The following SLAMF1 variants were observed in gnomAD, a reference collection of about 807,000 sequenced individuals.
The protein encoded by SLAMF1 is signaling lymphocytic activation molecule family member 1.
Under a neutral mutation model 35.1 loss-of-function variants are expected in SLAMF1, and 18 were observed. The ratio of observed to expected loss-of-function variants is 0.51; its 90% CI spans 0.35 to 0.76. The LOEUF is 0.76. Among genes scored for constraint, SLAMF1 ranks in the 30% least tolerant of loss-of-function variants. The probability of loss-of-function intolerance (pLI) is 0.01; values close to 1 mark genes in which losing one functional copy is unlikely to be tolerated. For missense variants in SLAMF1, 392 were observed against 413.0 expected (o/e 0.95, Z 0.44); for synonymous variants, 168 against 157.2 (o/e 1.07, Z -0.51).
rs1419483445 is a variant in SLAMF1, at chr1:160,624,074, CTA to C, written c.790+20_790+21del. 1.3e-6 allele frequency: 2 copies of C among 1,502,228 alleles called. No homozygotes were observed. The highest frequency in any genetic ancestry group is 1.8e-6 in the Non-Finnish European group (2 of 1,089,930). 93.1% of individuals were successfully genotyped at this position (1,502,228 alleles called of 1,614,324 possible). A position where few individuals can be genotyped will look rare whatever the true frequency, so the allele number is the denominator to read the frequency against. On this transcript the variant is annotated intron_variant, in intron 4 of 6. Transcript: ENST00000302035. ...TTACCACAGAGAGTGTGATAAGAAT[CTA>C]TTTATTGCCAGACACCTACCTCTTC...
intron 3 of SLAMF1, among the ~76,000 whole-genome samples, chr1:160,625,039 T>C (rs1397369334): frequency 6.6e-6 from 1 of 152,224 alleles, no homozygotes; most frequent in Non-Finnish European, 1.5e-5. Context: ...GGTACACTCA[T>C]TATTCTCATT....
In SLAMF1 at chr1:160,646,895, C is replaced by T; in HGVS notation, c.51G>A (p.Leu17=). The T allele has an allele frequency of 6.2e-7, 1 of 1,608,300 alleles. No homozygotes were observed. Among genetic ancestry groups the T allele is most frequent in the South Asian group, 1.1e-5 (1 of 90,880 alleles). The change falls in exon 1 of 7, where the codon CTG becomes CTA. Residue 17 remains leucine, a synonymous_variant. Coordinates refer to ENST00000302035, the MANE Select transcript of SLAMF1 (RefSeq NM_003037.5). The stretch of plus-strand genomic sequence containing the variant: ...CTGTTCCGTAGCTTGCCCCAAAAGC[C>T]AGGGAGAGAAACAGCACGAAGGTCA... ...LSLTFVLFLS[L]AFGASYGTGG...
At chr1:160,639,205 C>T (rs1660614543) in intron 1 of SLAMF1, among the ~76,000 whole-genome samples, 1 of 152,098 alleles carries the variant, frequency 6.6e-6, no homozygotes, top group Non-Finnish European at 1.5e-5. Flanking sequence ...TGATTCCTTT[C>T]TTTCTCGCAT....
chr1:160,634,582 G>C, intron 3 of SLAMF1, 31 bp downstream of exon 3: 1 of 1,563,980 alleles, frequency 6.4e-7, no homozygotes, highest in Non-Finnish European at 8.7e-7. Context: ...GCTCATTAAG[G>C]TGGCACACAG....
Position 160,619,843 on chromosome 1 carries a change from GT to G in SLAMF1, c.796del (p.Thr266ArgfsTer65). 6.2e-7 allele frequency: 1 copy of G among 1,608,428 alleles called. No homozygotes were observed. The highest frequency in any genetic ancestry group is 8.5e-7 in the Non-Finnish European group (1 of 1,174,900). On this transcript the variant is annotated frameshift_variant, in exon 5 of 7. Coordinates refer to ENST00000302035, the MANE Select transcript of SLAMF1 (RefSeq NM_003037.5). LOFTEE classifies it high-confidence loss of function. The stretch of plus-strand genomic sequence containing the variant: ...TTCCACTGTTGTCTGGTAATGGTTC[GT>G]TTTACCTGGTGAAAAGAAACCATAA... ...VILQLRRRGK[T>X]NHYQTTVEKK... is the part of the protein sequence containing the mutation.
In SLAMF1 at chr1:160,612,492, A is replaced by G; in HGVS notation, c.953T>C (p.Val318Ala). The change falls in exon 6 of 7, where the codon GTC (valine) becomes GCC (alanine). Residue 318 changes from valine to alanine, a missense_variant. Coordinates refer to ENST00000302035, the MANE Select transcript of SLAMF1 (RefSeq NM_003037.5). ...GTAGGCAGAGAGATGCCTCACCTGGACAGACTCTGGGACAGGCTCTGTGGC... is the reference window on the plus strand; with the variant it reads ...GTAGGCAGAGAGATGCCTCACCTGGGCAGACTCTGGGACAGGCTCTGTGGC... ...VAATEPVPES[V>A]QETNSITVYA... 6.2e-7 allele frequency: 1 copy of G among 1,606,474 alleles called. No individual in the cohort carries two copies. Among genetic ancestry groups the G allele is most frequent in the South Asian group, 1.1e-5 (1 of 90,596 alleles).
At chr1:160,624,615 TGG>T (rs1659785873) in intron 3 of SLAMF1, among the ~76,000 whole-genome samples, 2 of 152,208 alleles carry the variant, frequency 1.3e-5, no homozygotes. Flanking sequence ...CATGAGACAC[TGG>T]GAGGAAGAAA....
chr1:160,617,985 A>G (rs1659398553), intron 5 of SLAMF1, among the ~76,000 whole-genome samples: 1 of 151,810 alleles, frequency 6.6e-6, no homozygotes, highest in Non-Finnish European at 1.5e-5. Flanking sequence ...AGGCAGGAGA[A>G]TCACTTGAAC....
intron 1 of SLAMF1, 89 bp downstream of exon 1, chr1:160,646,781 C>A (rs1466496071): frequency 4.1e-6 from 3 of 739,144 alleles, no homozygotes; most frequent in Non-Finnish European, 7.4e-6. Context: ...ACACAATACC[C>A]AGCCCTGCAC....
At position 160,646,912 on chromosome 1, in the gene SLAMF1, C is replaced by T. The variant is rs376425914; in HGVS notation, c.34G>A (p.Val12Met). The change falls in exon 1 of 7, where the codon GTG becomes ATG. Residue 12 changes from valine to methionine, a missense_variant. Coordinates refer to ENST00000302035, the MANE Select transcript of SLAMF1 (RefSeq NM_003037.5). The part of the protein sequence containing the change: ...DPKGLLSLTF[V>M]LFLSLAFGAS... ...CCAAAAGCCAGGGAGAGAAACAGCA[C>T]GAAGGTCAAGGAGAGGAGCCCCTTG... is the stretch of plus-strand genomic sequence containing the variant. The T allele has an allele frequency of 1.0e-4, 168 of 1,608,988 alleles. No homozygotes were observed. The highest frequency in any genetic ancestry group is 5.0e-4 in the Middle Eastern group (3 of 6,046).
intron 5 of SLAMF1, among the ~76,000 whole-genome samples, chr1:160,617,024 T>G (rs1376202292): frequency 6.6e-6 from 1 of 151,866 alleles, no homozygotes; most frequent in African/African-American, 2.4e-5. Flanking sequence ...GGTGTGGTGG[T>G]GCGTACCTGT....
At chr1:160,634,058 C>T (rs1660300159) in intron 3 of SLAMF1, among the ~76,000 whole-genome samples, 1 of 152,234 alleles carries the variant, frequency 6.6e-6, no homozygotes, top group African/African-American at 2.4e-5. Flanking sequence ...TCCCCTGGCC[C>T]TGCTATGGGA....
Position 160,608,522 on chromosome 1 carries a change from G to C in SLAMF1, c.*2226C>G, listed in dbSNP as rs560731212. ...TTTTACCACGTGTAACCATGGTCTAGGGTGAGAGGCATAATGCCAGTGCTG... is the reference window on the plus strand; with the variant it reads ...TTTTACCACGTGTAACCATGGTCTACGGTGAGAGGCATAATGCCAGTGCTG... On this transcript the variant is annotated 3_prime_UTR_variant, in exon 7 of 7. Transcript: ENST00000302035. 2 of 152,420 alleles carry C rather than the reference G, an allele frequency of 1.3e-5. No homozygotes were observed. Among genetic ancestry groups the C allele is most frequent in the African/African-American group, 4.8e-5 (2 of 41,578 alleles). The allele number at this position is 152,420 out of a possible 1,614,324, so 9.4% of individuals were successfully genotyped here. A position where few individuals can be genotyped will look rare whatever the true frequency, so the allele number is the denominator to read the frequency against.
Position 160,632,450 on chromosome 1 carries a change from G to A in SLAMF1, c.700+2163C>T, listed in dbSNP as rs573793850. On this transcript the variant is annotated intron_variant, in intron 3 of 6. Transcript: ENST00000302035. ...AACCAGCTTCCTACTCAGTAAATCT[G>A]GTTCCCACTGGTGCATTCTTGGTCC... Among the ~76,000 whole-genome samples, 3 of 152,260 alleles carry A rather than the reference G, an allele frequency of 2.0e-5. No homozygotes were observed. In the South Asian group the frequency reaches 6.2e-4, roughly 32 times the overall value.
At chr1:160,632,582 C>A (rs956189916) in intron 3 of SLAMF1, among the ~76,000 whole-genome samples, 1 of 152,026 alleles carries the variant, frequency 6.6e-6, no homozygotes, top group Non-Finnish European at 1.5e-5. Flanking sequence ...TTTGGTATGC[C>A]CTAATTAAAT....
intron 5 of SLAMF1, among the ~76,000 whole-genome samples, chr1:160,617,923 A>G (rs1237422631): frequency 6.6e-6 from 1 of 152,176 alleles, no homozygotes; most frequent in Admixed American, 6.5e-5. Flanking sequence ...AGATACAAAA[A>G]TTAGCTGGGT....
chr1:160,641,761 G>A (rs145003226), intron 1 of SLAMF1, among the ~76,000 whole-genome samples: 4 of 152,158 alleles, frequency 2.6e-5, no homozygotes, highest in Admixed American at 6.5e-5. Context: ...AAAACCCCTC[G>A]AGTGGCGTCC....
intron 3 of SLAMF1, among the ~76,000 whole-genome samples, chr1:160,628,728 T>C (rs896189591): frequency 1.3e-5 from 2 of 152,230 alleles, no homozygotes; most frequent in Admixed American, 6.5e-5. Context: ...GTCACGTAGC[T>C]TTCTGTTTAA....
intron 3 of SLAMF1, among the ~76,000 whole-genome samples, chr1:160,633,272 C>A (rs1170337941): frequency 6.6e-6 from 1 of 152,082 alleles, no homozygotes; most frequent in Non-Finnish European, 1.5e-5. Flanking sequence ...GGGCAAGCAG[C>A]CAGACATATC....
Sources: allele counts gnomAD v4.1 joint callset (sites outside exome capture counted in the v4.1 genomes callset), GRCh38; gene constraint gnomAD v4.1.1; transcripts MANE v1.5; gene names NCBI Gene and HGNC (gene_info 2026-07-23, HGNC 2026-07-21).